The following KICS2 variants were observed in gnomAD, a reference collection of about 807,000 sequenced individuals.
KICS2 encodes KICSTOR subunit 2.
A neutral mutation model predicts 31.4 loss-of-function variants in KICS2; 13 were observed. That is an observed-to-expected ratio of 0.41 (90% CI 0.27 to 0.66). The LOEUF is 0.66. KICS2 is among the 30% of genes least tolerant of loss of function. The pLI is 0.28. For missense variants in KICS2, 455 were observed against 545.4 expected (o/e 0.83, Z 1.65); for synonymous variants, 209 against 214.8 (o/e 0.97, Z 0.24).
intron 2 of KICS2, among the ~76,000 whole-genome samples, chr12:64,205,902 C>A (rs2037535526): frequency 6.6e-6 from 1 of 152,170 alleles, no homozygotes; most frequent in Admixed American, 6.5e-5. Flanking sequence ...TTCTCCTTTG[C>A]AAATTTGCAC....
At chr12:64,188,649 A>G (rs376584196), downstream of KICS2, among the ~76,000 whole-genome samples, 1 of 152,214 alleles carries the variant, frequency 6.6e-6, no homozygotes, top group Admixed American at 6.5e-5. Flanking sequence ...ACAGTAATTA[A>G]GAGAGAAAAT....
chr12:64,217,353 A>G (rs916874690), intron 1 of KICS2, among the ~76,000 whole-genome samples: 5 of 152,124 alleles, frequency 3.3e-5, no homozygotes, highest in African/African-American at 1.2e-4. Context: ...TGTTTTTCCA[A>G]TATACTGTCT....
At chr12:64,186,475 A>T (rs1223442043), downstream of KICS2, 1 of 152,250 alleles carries the variant, frequency 6.6e-6, no homozygotes, top group Non-Finnish European at 1.5e-5. Flanking sequence ...AAGTATTTTT[A>T]AAAATGGAAA....
In KICS2 at chr12:64,191,429, T is replaced by C. The variant is rs2037378046; in HGVS notation, c.*2413A>G. The C allele has an allele frequency of 6.6e-6, 1 of 152,228 alleles. No individual in the cohort carries two copies. The highest frequency in any genetic ancestry group is 1.5e-5 in the Non-Finnish European group (1 of 68,042). 9.4% of individuals were successfully genotyped at this position (152,228 alleles called of 1,614,324 possible). ...ATGTTCTAGGTGAGGACTGGTTATTTAAATAACATATATATGCTTTACTTA... is the reference window on the plus strand; with the variant it reads ...ATGTTCTAGGTGAGGACTGGTTATTCAAATAACATATATATGCTTTACTTA... On this transcript the variant is annotated 3_prime_UTR_variant, in exon 3 of 3. Transcript: ENST00000398055.
chr12:64,190,769 G>C (rs1345726665), downstream of KICS2, among the ~76,000 whole-genome samples: 1 of 142,602 alleles, frequency 7.0e-6, no homozygotes, highest in East Asian at 1.9e-4. Flanking sequence ...AAGAAAGAAA[G>C]AAAAGAAAAG....
At position 64,194,259 on chromosome 12, in the gene KICS2, T is replaced by C; in HGVS notation, c.921A>G (p.Lys307=). Residue 307 remains lysine, a synonymous_variant, in exon 3 of 3, where the codon AAA becomes AAG. Coordinates refer to ENST00000398055, the MANE Select transcript of KICS2 (RefSeq NM_152440.5). ...TTAAGGACACATTGGCAGCATCATA[T>C]TTTCTGATGAAGCTGGAAATCTTTC... The part of the protein sequence containing the change: ...FFGKISSFIR[K]YDAANVSLIF... The C allele has an allele frequency of 6.2e-7, 1 of 1,614,218 alleles. No individual in the cohort carries two copies. Among genetic ancestry groups the C allele is most frequent in the South Asian group, 1.1e-5 (1 of 91,084 alleles).
chr12:64,197,419 C>T (rs1172560139), intron 2 of KICS2, among the ~76,000 whole-genome samples: 1 of 147,714 alleles, frequency 6.8e-6, no homozygotes. Flanking sequence ...TTGTCACCAC[C>T]AGGCCTGCCC....
intron 2 of KICS2, among the ~76,000 whole-genome samples, chr12:64,201,755 A>G (rs536680871): frequency 1.7e-4 from 25 of 150,272 alleles, no homozygotes; most frequent in African/African-American, 6.1e-4. Flanking sequence ...AGGCACGAGA[A>G]TTGCTTGAAC....
chr12:64,216,075 T>C, intron 1 of KICS2, 112 bp from the exon 2 acceptor site: 2 of 917,872 alleles, frequency 2.2e-6, no homozygotes, highest in South Asian at 3.6e-5. Flanking sequence ...CTCAGTAAGT[T>C]TTCATCTACC....
At position 64,192,733 on chromosome 12, in the gene KICS2, TG is replaced by T. The variant is rs2037392142; in HGVS notation, c.*1108del. 1.0e-6 allele frequency: 1 copy of T among 985,314 alleles called. No individual in the cohort carries two copies. The highest frequency in any genetic ancestry group is 6.2e-5 in the Admixed American group (1 of 16,258). The allele number at this position is 985,314 out of a possible 1,614,324, so 61.0% of individuals were successfully genotyped here. A position where few individuals can be genotyped will look rare whatever the true frequency, so the allele number is the denominator to read the frequency against. On this transcript the variant is annotated 3_prime_UTR_variant, in exon 3 of 3. Transcript: ENST00000398055. ...CCTTCACTGATCCACCTACTTCCCATGAACACCTGCCGAAGGAAAGAAATAA... is the reference window on the plus strand; with the variant it reads ...CCTTCACTGATCCACCTACTTCCCATAACACCTGCCGAAGGAAAGAAATAA...
intron 2 of KICS2, among the ~76,000 whole-genome samples, chr12:64,214,499 C>G (rs935007285): frequency 2.0e-5 from 3 of 152,146 alleles, no homozygotes; most frequent in Non-Finnish European, 2.9e-5. Context: ...AACCCTGAAG[C>G]CTTTTTGTAT....
chr12:64,202,845 T>C (rs949862186), intron 2 of KICS2, among the ~76,000 whole-genome samples: 1 of 151,938 alleles, frequency 6.6e-6, no homozygotes, highest in South Asian at 2.1e-4. Flanking sequence ...TCCTCTCTTC[T>C]AGGCACAGGG....
intron 2 of KICS2, among the ~76,000 whole-genome samples, chr12:64,213,347 T>C (rs547941322): frequency 2.0e-5 from 3 of 152,238 alleles, no homozygotes; most frequent in South Asian, 4.1e-4. Flanking sequence ...TAACAAGCAA[T>C]GATGCATACA....
chr12:64,187,513 G>T, downstream of KICS2: 1 of 885,760 alleles, frequency 1.1e-6, no homozygotes, highest in South Asian at 1.5e-5. Context: ...GAAACCTTAC[G>T]GATTTACACC....
chr12:64,203,116 C>A (rs1262174702), intron 2 of KICS2, among the ~76,000 whole-genome samples: 1 of 152,104 alleles, frequency 6.6e-6, no homozygotes, highest in African/African-American at 2.4e-5. Context: ...CCTCCCCAAG[C>A]GGAAGTAATA....
downstream of KICS2, chr12:64,187,502 T>C (rs1167655479): frequency 4.8e-6 from 4 of 826,020 alleles, no homozygotes; most frequent in African/African-American, 3.4e-5. Flanking sequence ...AAGGCATTAA[T>C]GAAACCTTAC....
intron 2 of KICS2, among the ~76,000 whole-genome samples, chr12:64,213,087 CAA>C (rs1235001391): frequency 6.7e-4 from 46 of 69,128 alleles, no homozygotes; most frequent in African/African-American, 2.2e-3. Context: ...GAGACAAACT[CAA>C]AAAAAAAAAA....
At position 64,219,524 on chromosome 12, in the gene KICS2, C is replaced by T. The variant is rs1346516755; in HGVS notation, c.235+2479G>A. Among the ~76,000 whole-genome samples the T allele has an allele frequency of 2.6e-5, 4 of 152,276 alleles. No individual in the cohort carries two copies. The East Asian group carries it at 7.7e-4, about 29-fold the overall frequency. On this transcript the variant is annotated intron_variant, in intron 1 of 2. Transcript: ENST00000398055. ...TGCTTGCTTCTTTAATCAGGATTCA[C>T]TGCTAAGGCCTCAAATAAATACCAT... is the stretch of plus-strand genomic sequence containing the variant.
chr12:64,198,933 C>G (rs2037463886), intron 2 of KICS2, among the ~76,000 whole-genome samples: 1 of 151,224 alleles, frequency 6.6e-6, no homozygotes, highest in African/African-American at 2.5e-5. Context: ...AGACCAATAA[C>G]AGGAGCTGAA....
Sources: allele counts gnomAD v4.1 joint callset (sites outside exome capture counted in the v4.1 genomes callset), GRCh38; gene constraint gnomAD v4.1.1; transcripts MANE v1.5; gene names NCBI Gene and HGNC (gene_info 2026-07-23, HGNC 2026-07-21).